BACH2: variants seen among roughly 807,000 people sequenced by gnomAD.
BACH2 encodes the protein BACH transcriptional regulator 2, also known as transcription regulator protein BACH2.
In BACH2, 5 loss-of-function variants were observed where a neutral mutation model predicts 61.8. The observed-to-expected ratio is 0.08, with a 90% CI of 0.04 to 0.17. The LOEUF is 0.17. Among genes scored for constraint, BACH2 ranks in the 10% least tolerant of loss-of-function variants. The pLI, the probability that BACH2 is intolerant of heterozygous loss-of-function variation, is 1.00. For missense variants in BACH2, 824 were observed against 1,091.1 expected, an observed-to-expected ratio of 0.76 and a Z score of 3.45; for synonymous variants, 446 against 440.1, an observed-to-expected ratio of 1.01 and a Z score of -0.17.
chr6:89,964,705 C>T (rs1313654415), intron 6 of BACH2, among the ~76,000 whole-genome samples: 1 of 152,178 alleles, frequency 6.6e-6, no homozygotes, highest in African/African-American at 2.4e-5. Flanking sequence ...GAGGAGAATT[C>T]TGGTAGCTAT....
chr6:90,254,893 T>C (rs1770927211), intron 2 of BACH2, among the ~76,000 whole-genome samples: 1 of 152,212 alleles, frequency 6.6e-6, no homozygotes, highest in Admixed American at 6.5e-5. Context: ...AGCATTGATA[T>C]AACTTATACT....
At chr6:90,189,241 A>C (rs1394128741) in intron 4 of BACH2, among the ~76,000 whole-genome samples, 5 of 152,236 alleles carry the variant, frequency 3.3e-5, no homozygotes, top group African/African-American at 1.2e-4. Flanking sequence ...GTCTTTGTTT[A>C]AATTGAACTA....
chr6:90,013,036 C>T (rs958316646), intron 5 of BACH2, among the ~76,000 whole-genome samples: 4 of 152,094 alleles, frequency 2.6e-5, no homozygotes, highest in African/African-American at 9.7e-5. Context: ...TTTTTGATGC[C>T]ATTGTAAATG....
chr6:90,000,636 T>G (rs1777087283), intron 6 of BACH2, among the ~76,000 whole-genome samples: 1 of 152,212 alleles, frequency 6.6e-6, no homozygotes, highest in Admixed American at 6.5e-5. Context: ...TTGTTACTCC[T>G]TGTACACTCA....
At chr6:90,124,570 T>C (rs959738657) in intron 4 of BACH2, among the ~76,000 whole-genome samples, 3 of 152,252 alleles carry the variant, frequency 2.0e-5, no homozygotes, top group African/African-American at 7.2e-5. Context: ...TTCCACACTG[T>C]AATGTATTGT....
intron 4 of BACH2, among the ~76,000 whole-genome samples, chr6:90,105,025 T>C (rs1384510822): frequency 1.3e-5 from 2 of 152,356 alleles, no homozygotes; most frequent in East Asian, 1.9e-4. Flanking sequence ...TTCATAAATT[T>C]TAATATTTAA....
chr6:90,092,582 T>C lies in BACH2; in HGVS notation c.-161-3473A>G, dbSNP rs527649035. 9.2e-5 allele frequency among the ~76,000 whole-genome samples: 14 copies of C among 152,062 alleles called. No individual in the cohort carries two copies. The South Asian group carries it at 2.5e-3, about 27-fold the overall frequency. On this transcript the variant is annotated intron_variant, in intron 4 of 8. Coordinates refer to ENST00000257749, the MANE Select transcript of BACH2 (RefSeq NM_021813.4). Reference sequence around the variant, plus strand: ...CTTGTGGGGATCACATGAGAATGTATACAGAATTTTTTTTGCAGATTATAA... The same window carrying C: ...CTTGTGGGGATCACATGAGAATGTACACAGAATTTTTTTTGCAGATTATAA...
At chr6:89,959,097 G>GCACGCACACACA (rs1491367437) in intron 6 of BACH2, among the ~76,000 whole-genome samples, 2 of 134,484 alleles carry the variant, frequency 1.5e-5, no homozygotes, top group East Asian at 2.3e-4. Context: ...ATGCACAAGT[G>GCACGCACACACA]CACACACACA....
chr6:90,059,110 C>G (rs1244879356), intron 5 of BACH2, among the ~76,000 whole-genome samples: 1 of 152,186 alleles, frequency 6.6e-6, no homozygotes, highest in Non-Finnish European at 1.5e-5. Context: ...CAACAAAAGA[C>G]AAAATTGACA....
At position 90,138,053 on chromosome 6, in the gene BACH2, AACACAC is replaced by A. The variant is rs10602894; in HGVS notation, c.-161-48950_-161-48945del. On this transcript the variant is annotated intron_variant, in intron 4 of 8. Transcript: ENST00000257749. Reference sequence around the variant, plus strand: ...GAGATCATGACTATTCTAATCATAAAACACACACACACACACACACACACACACACA... The same window carrying A: ...GAGATCATGACTATTCTAATCATAAAACACACACACACACACACACACACA... Among the ~76,000 whole-genome samples, 754 of 143,620 alleles carry A rather than the reference AACACAC, an allele frequency of 5.2e-3. 1 individual carries two copies. Among genetic ancestry groups the A allele is most frequent in the African/African-American group, 8.8e-3 (334 of 38,144 alleles). 94.2% of individuals were successfully genotyped at this position (143,620 alleles called of 152,430 possible).
intron 3 of BACH2, among the ~76,000 whole-genome samples, chr6:90,207,109 T>C (rs1473279107): frequency 6.6e-6 from 1 of 151,962 alleles, no homozygotes; most frequent in African/African-American, 2.4e-5. Context: ...TTCTTCTTTG[T>C]CTTTTTTGTT....
chr6:89,964,695 G>A lies in BACH2; in HGVS notation c.244-12833C>T, dbSNP rs541326516. ...CCACTCAGGTATTCAACTACTGGTC[G>A]AGGAGAATTCTGGTAGCTATTTGAC... On this transcript the variant is annotated intron_variant, in intron 6 of 8. Transcript: ENST00000257749. Among the ~76,000 whole-genome samples the A allele has an allele frequency of 3.3e-5, 5 of 152,268 alleles. No homozygotes were observed. The South Asian group carries it at 8.3e-4, about 25-fold the overall frequency.
intron 4 of BACH2, among the ~76,000 whole-genome samples, chr6:90,196,376 T>C (rs1344457698): frequency 6.6e-6 from 1 of 152,208 alleles, no homozygotes; most frequent in Non-Finnish European, 1.5e-5. Context: ...TACACATTAT[T>C]AAAGTCTATT....
intron 4 of BACH2, among the ~76,000 whole-genome samples, chr6:90,147,553 C>A (rs904233557): frequency 4.6e-5 from 7 of 152,230 alleles, no homozygotes; most frequent in Admixed American, 3.9e-4. Context: ...AGGAGCAAGG[C>A]CAACCCACCT....
intron 1 of BACH2, among the ~76,000 whole-genome samples, chr6:90,295,967 C>G (rs964657803): frequency 1.3e-5 from 2 of 152,138 alleles, no homozygotes; most frequent in African/African-American, 2.4e-5. Flanking sequence ...CGCGGAGCAG[C>G]CCGGGATGCG....
At chr6:90,168,578 A>G (rs764710343) in intron 4 of BACH2, among the ~76,000 whole-genome samples, 3 of 152,188 alleles carry the variant, frequency 2.0e-5, no homozygotes, top group African/African-American at 7.2e-5. Context: ...TTCCCAAATG[A>G]TTCTGGTAGC....
At chr6:90,047,387 G>A (rs1388079670) in intron 5 of BACH2, among the ~76,000 whole-genome samples, 26 of 152,168 alleles carry the variant, frequency 1.7e-4, no homozygotes, top group Admixed American at 1.7e-3. Context: ...AGTTATACTG[G>A]CACGTCCATG....
intron 4 of BACH2, among the ~76,000 whole-genome samples, chr6:90,199,251 C>T (rs921140261): frequency 2.7e-4 from 41 of 152,080 alleles, no homozygotes; most frequent in African/African-American, 7.7e-4. Flanking sequence ...GAGAGAACAA[C>T]GGAAATGTGT....
At chr6:90,073,538 T>C (rs1346510280) in intron 5 of BACH2, among the ~76,000 whole-genome samples, 2 of 152,178 alleles carry the variant, frequency 1.3e-5, no homozygotes, top group Non-Finnish European at 2.9e-5. Flanking sequence ...TAATACTAAG[T>C]CAGCTCAATG....
Sources: gnomAD v4.1 joint callset for allele counts (sites outside exome capture counted in the v4.1 genomes callset) on GRCh38, gnomAD v4.1.1 for gene constraint, MANE v1.5 for transcripts, NCBI Gene and HGNC (gene_info 2026-07-23, HGNC 2026-07-21) for gene names.